The following ZFAT variants were observed in gnomAD, a reference collection of about 807,000 sequenced individuals.
ZFAT encodes the protein zinc finger and AT-hook domain containing.
A neutral mutation model predicts 117.7 loss-of-function variants in ZFAT; 64 were observed. The ratio of observed to expected loss-of-function variants is 0.54; its 90% CI spans 0.44 to 0.67. ZFAT has a LOEUF of 0.67. Among genes scored for constraint, ZFAT ranks in the 30% least tolerant of loss-of-function variants. The pLI, the probability that ZFAT is intolerant of heterozygous loss-of-function variation, is 0.00. For missense variants in ZFAT, 1,433 were observed against 1,584.5 expected, an observed-to-expected ratio of 0.90 and a Z score of 1.62; for synonymous variants, 679 against 615.0, an observed-to-expected ratio of 1.10 and a Z score of -1.54.
intron 15 of ZFAT, among the ~76,000 whole-genome samples, chr8:134,482,419 T>C (rs1817380954): frequency 6.6e-6 from 1 of 152,150 alleles, no homozygotes; most frequent in African/African-American, 2.4e-5. Context: ...AGCCTTTATT[T>C]TACAAAGGAA....
At chr8:134,526,370 G>T (rs1821025476) in intron 12 of ZFAT, among the ~76,000 whole-genome samples, 1 of 152,188 alleles carries the variant, frequency 6.6e-6, no homozygotes, top group Admixed American at 6.5e-5. Flanking sequence ...AAAGCTGAGA[G>T]AAATTAATTT....
intron 1 of ZFAT, among the ~76,000 whole-genome samples, chr8:134,658,468 G>C (rs1831758906): frequency 6.6e-6 from 1 of 152,020 alleles, no homozygotes; most frequent in Non-Finnish European, 1.5e-5. Context: ...GACCACAATA[G>C]CATTTCTCAA....
At chr8:134,533,046 G>A in intron 11 of ZFAT, 74 bp from the exon 12 acceptor site, 2 of 1,535,190 alleles carry the variant, frequency 1.3e-6, no homozygotes, top group Non-Finnish European at 8.8e-7. Flanking sequence ...CCCACCTGGT[G>A]AGCATCTGAC....
chr8:134,775,588 C>T, the ZFAT span, among the ~76,000 whole-genome samples: 74 of 152,172 alleles, frequency 4.9e-4, 1 homozygote, highest in African/African-American at 7.5e-4. Context: ...TCTGATCTTT[C>T]GTGTTTCTCT....
At chr8:134,738,003 C>T in the ZFAT span, among the ~76,000 whole-genome samples, 2 of 152,106 alleles carry the variant, frequency 1.3e-5, no homozygotes, top group African/African-American at 4.8e-5. Context: ...TCATGGTAAA[C>T]GTGGGGCATC....
At chr8:134,831,893 G>A in the ZFAT span, among the ~76,000 whole-genome samples, 42,952 of 151,842 alleles carry the variant, frequency 0.28, 6,413 homozygotes, top group African/African-American at 0.36. Flanking sequence ...CCGAGAGCCT[G>A]TCAGCGCCCC....
chr8:134,510,457 C>T (rs1317617113), intron 14 of ZFAT, among the ~76,000 whole-genome samples: 1 of 152,184 alleles, frequency 6.6e-6, no homozygotes, highest in Non-Finnish European at 1.5e-5. Flanking sequence ...CCAACATTTT[C>T]ATCCTCATGG....
the ZFAT span, among the ~76,000 whole-genome samples, chr8:134,822,948 GA>G: frequency 6.6e-6 from 1 of 152,084 alleles, no homozygotes; most frequent in Non-Finnish European, 1.5e-5. Flanking sequence ...GCCAAAAAAG[GA>G]AAATGTGGGG....
At chr8:134,603,649 G>A (rs1029207598) in intron 5 of ZFAT, among the ~76,000 whole-genome samples, 1 of 152,216 alleles carries the variant, frequency 6.6e-6, no homozygotes, top group African/African-American at 2.4e-5. Context: ...GGTGACTTCA[G>A]AGCAGGACCT....
At chr8:134,704,765 T>C (rs1207426499) in intron 1 of ZFAT, among the ~76,000 whole-genome samples, 1 of 152,072 alleles carries the variant, frequency 6.6e-6, no homozygotes, top group Non-Finnish European at 1.5e-5. Context: ...AAGGTTCTTC[T>C]AACAAATGAG....
At chr8:134,687,945 A>G (rs1833408315) in intron 1 of ZFAT, among the ~76,000 whole-genome samples, 2 of 152,190 alleles carry the variant, frequency 1.3e-5, no homozygotes, top group African/African-American at 2.4e-5. Flanking sequence ...AGCCAGCCTC[A>G]GCGCTGAGCT....
intron 15 of ZFAT, among the ~76,000 whole-genome samples, chr8:134,504,457 A>ACGGTG (rs1467462959): frequency 6.6e-6 from 1 of 152,354 alleles, no homozygotes; most frequent in Admixed American, 6.5e-5. Context: ...AAGAAAGGGC[A>ACGGTG]CGGTGCAGTA....
intron 11 of ZFAT, among the ~76,000 whole-genome samples, chr8:134,560,505 G>A (rs1037324301): frequency 3.3e-5 from 5 of 152,280 alleles, no homozygotes; most frequent in Admixed American, 2.0e-4. Context: ...CCACTGAATC[G>A]GCTCTGTCAT....
chr8:134,785,541 T>C, the ZFAT span: 1 of 151,996 alleles, frequency 6.6e-6, no homozygotes, highest in Non-Finnish European at 1.5e-5. Context: ...TACCAGTTTT[T>C]AAAAATATGG....
the ZFAT span, among the ~76,000 whole-genome samples, chr8:134,780,586 G>T: frequency 1.3e-5 from 2 of 152,222 alleles, no homozygotes; most frequent in Non-Finnish European, 2.9e-5. Flanking sequence ...AGAAATCGGG[G>T]TTCAAATGCT....
intron 1 of ZFAT, among the ~76,000 whole-genome samples, chr8:134,686,122 G>C (rs1485226210): frequency 1.3e-5 from 2 of 152,368 alleles, no homozygotes; most frequent in African/African-American, 2.4e-5. Flanking sequence ...GCCCCAGCAG[G>C]TAACTCAGAC....
intron 11 of ZFAT, among the ~76,000 whole-genome samples, chr8:134,554,909 G>C (rs1480787711): frequency 6.6e-6 from 1 of 152,172 alleles, no homozygotes; most frequent in Non-Finnish European, 1.5e-5. Flanking sequence ...CCCTAGAGTT[G>C]TTCAGAGCCC....
chr8:134,800,481 T>C, the ZFAT span: 1 of 483,508 alleles, frequency 2.1e-6, no homozygotes, highest in Non-Finnish European at 4.3e-6. Flanking sequence ...CTGTATACTA[T>C]TCTTGCCAAA....
At chr8:134,703,973 T>C (rs957413069) in intron 1 of ZFAT, among the ~76,000 whole-genome samples, 1 of 152,234 alleles carries the variant, frequency 6.6e-6, no homozygotes, top group African/African-American at 2.4e-5. Context: ...AATCCTCCTC[T>C]ATGAAAACTC....
Sources: gnomAD v4.1 joint callset for allele counts (sites outside exome capture counted in the v4.1 genomes callset) on GRCh38, gnomAD v4.1.1 for gene constraint, MANE v1.5 for transcripts, NCBI Gene and HGNC (gene_info 2026-07-23, HGNC 2026-07-21) for gene names.